The following MAGEA10 variants were observed in gnomAD, a reference collection of about 807,000 sequenced individuals.
MAGEA10 encodes melanoma-associated antigen 10.
Under a neutral mutation model 8.6 loss-of-function variants are expected in MAGEA10, and 7 were observed. The observed-to-expected ratio is 0.82, with a 90% CI of 0.46 to 1.53. MAGEA10 has a LOEUF of 1.53. Ranked by LOEUF, MAGEA10 falls within the 40% of genes most tolerant of loss-of-function variation. The probability of loss-of-function intolerance (pLI) is 0.01; values close to 1 mark genes in which losing one functional copy is unlikely to be tolerated. For synonymous variants in MAGEA10, 125 were observed against 107.4 expected, an observed-to-expected ratio of 1.16 and a Z score of -1.02; for missense variants, 293 against 274.0, an observed-to-expected ratio of 1.07 and a Z score of -0.49.
rs1569471933 is a variant in MAGEA10 at position 152,138,559 on chromosome X, T to G, written c.-323A>C. 1 of 103,049 alleles carries G rather than the reference T, an allele frequency of 9.7e-6. No individual in the cohort carries two copies. Among genetic ancestry groups the G allele is most frequent in the African/African-American group, 3.6e-5 (1 of 27,776 alleles). The allele number at this position is 103,049 out of a possible 1,213,427, so 8.5% of individuals were successfully genotyped here. On this transcript the variant is annotated 5_prime_UTR_variant, in exon 1 of 4. Transcript: ENST00000370323. Reference sequence around the variant, plus strand: ...GAACGAGAACCTCGCTTCTCTCTGATCCCCGAGGCGTAAGTTAGTGGCGTC... The same window carrying G: ...GAACGAGAACCTCGCTTCTCTCTGAGCCCCGAGGCGTAAGTTAGTGGCGTC...
chrX:152,134,463 G>A lies in MAGEA10; in HGVS notation c.*48C>T. ...AGATTCCACATATGAGTAAAATCAT[G>A]TGGTATTTGACTTGCCTTTTAAAAC... On this transcript the variant is annotated 3_prime_UTR_variant, in exon 4 of 4. Transcript: ENST00000370323. 2.5e-6 allele frequency: 2 copies of A among 815,885 alleles called. No homozygotes were observed. The highest frequency in any genetic ancestry group is 3.6e-5 in the East Asian group (1 of 28,075). 67.2% of individuals were successfully genotyped at this position (815,885 alleles called of 1,213,427 possible).
chrX:152,134,631 A>G lies in MAGEA10; in HGVS notation c.990T>C (p.Tyr330=). Residue 330 remains tyrosine (Y), a synonymous_variant, in exon 4 of 4, where the codon TAT becomes TAC. Coordinates refer to ENST00000370323, the MANE Select transcript of MAGEA10 (RefSeq NM_021048.5). ...CTTCCTCATCTTTCAAAGCCTCCTC[A>G]TACCACAGTGGGAAGGATCTTGGAT... is the stretch of plus-strand genomic sequence containing the variant. ...GSDPRSFPLW[Y]EEALKDEEER... The G allele has an allele frequency of 2.5e-6, 3 of 1,210,326 alleles. No individual in the cohort carries two copies. Among genetic ancestry groups the G allele is most frequent in the Non-Finnish European group, 2.2e-6 (2 of 894,706 alleles).
chrX:152,135,376 T>C lies in MAGEA10; in HGVS notation c.245A>G (p.Asn82Ser). Residue 82 changes from asparagine to serine, a missense_variant, in exon 4 of 4, where the codon AAT becomes AGT. Transcript: ENST00000370323. The stretch of plus-strand genomic sequence containing the variant: ...GGCTATCTGAGCACTCTGGGGAGGA[T>C]TTGGTGTCTCATCATCAGCAGAAAC... Reference protein sequence around the residue: ...EEVSADDETPNPPQSAQIACS... With the variant: ...EEVSADDETPSPPQSAQIACS... The C allele has an allele frequency of 8.3e-7, 1 of 1,202,656 alleles. No homozygotes were observed. Among genetic ancestry groups the C allele is most frequent in the South Asian group, 1.8e-5 (1 of 55,432 alleles).
At position 152,137,394 on chromosome X, in the gene MAGEA10, C is replaced by A. The variant is rs1299142037; in HGVS notation, c.-238-425G>T. 3.8e-5 allele frequency among the ~76,000 whole-genome samples: 3 copies of A among 78,724 alleles called. No homozygotes were observed. In the East Asian group the frequency reaches 1.2e-3, roughly 31 times the overall value. 68.4% of individuals were successfully genotyped at this position (78,724 alleles called of 115,157 possible). ...TCACACCTGCATGGGATTCCCAAAG[C>A]TGACAGAAGGAGCAGACATTTGGCG... On this transcript the variant is annotated intron_variant, in intron 1 of 3. Coordinates refer to ENST00000370323, the MANE Select transcript of MAGEA10 (RefSeq NM_021048.5).
chrX:152,138,117 T>C (rs925296734), intron 1 of MAGEA10, among the ~76,000 whole-genome samples: 5 of 110,632 alleles, frequency 4.5e-5, no homozygotes, highest in African/African-American at 1.6e-4. Flanking sequence ...TCCCCTTCCC[T>C]ACGTCAGCCT....
In MAGEA10 at chrX:152,135,051, A is replaced by G. The variant is rs754596795; in HGVS notation, c.570T>C (p.Asp190=). Residue 190 remains aspartate, a synonymous_variant, in exon 4 of 4, where the codon GAT becomes GAC. Transcript: ENST00000370323. Reference sequence around the variant, plus strand: ...GGCCAGTGGGATCCACTTCCTTTACATCAATGCCAAAGACCAGCAGCATGC... The same window carrying G: ...GGCCAGTGGGATCCACTTCCTTTACGTCAATGCCAAAGACCAGCAGCATGC... ...SECMLLVFGI[D]VKEVDPTGHS... 15 of 1,211,495 alleles carry G rather than the reference A, an allele frequency of 1.2e-5. 1 individual carries two copies. The highest frequency in any genetic ancestry group is 3.5e-5 in the South Asian group (2 of 56,948).
intron 1 of MAGEA10, among the ~76,000 whole-genome samples, chrX:152,138,139 G>A (rs780088905): frequency 3.6e-5 from 4 of 110,753 alleles, no homozygotes; most frequent in Admixed American, 9.5e-5. Flanking sequence ...AGATGCCGAC[G>A]TCAGAATTTG....
rs1936618370 is a variant in MAGEA10 at position 152,134,430 on chromosome X, TTTTTTTTA to T, written c.*73_*80del. Reference sequence around the variant, plus strand: ...TCCATGATACCAACTTTTTTTTTTTTTTTTTTTAGATTCCACATATGAGTAAAATCATG... The same window carrying T: ...TCCATGATACCAACTTTTTTTTTTTTGATTCCACATATGAGTAAAATCATG... On this transcript the variant is annotated 3_prime_UTR_variant, in exon 4 of 4. Transcript: ENST00000370323. 1.2e-6 allele frequency: 1 copy of T among 829,244 alleles called. No homozygotes were observed. The highest frequency in any genetic ancestry group is 2.1e-5 in the African/African-American group (1 of 48,260). The allele number at this position is 829,244 out of a possible 1,213,427, so 68.3% of individuals were successfully genotyped here. A position where few individuals can be genotyped will look rare whatever the true frequency, so the allele number is the denominator to read the frequency against.
chrX:152,138,427 C>T (rs1250471535), intron 1 of MAGEA10, 48 bp downstream of exon 1: 1 of 107,131 alleles, frequency 9.3e-6, no homozygotes, highest in Non-Finnish European at 1.9e-5. Flanking sequence ...TTATTTAGGG[C>T]TTTCTATCTG....
Position 152,134,600 on chromosome X carries a change from C to A in MAGEA10, c.1021G>T (p.Ala341Ser). ...EEALKDEEER[A>S]QDRIATTDDT... The stretch of plus-strand genomic sequence containing the variant: ...TCTGTGGTGGCAATTCTGTCCTGGG[C>A]TCTCTCTTCCTCATCTTTCAAAGCC... The change falls in exon 4 of 4, where the codon GCC becomes TCC. Residue 341 changes from alanine to serine, a missense_variant. Physicochemically the swap from Ala to Ser is moderately conservative, Grantham distance 99. Coordinates refer to ENST00000370323, the MANE Select transcript of MAGEA10 (RefSeq NM_021048.5). The A allele has an allele frequency of 8.3e-7, 1 of 1,207,959 alleles. No individual in the cohort carries two copies. The highest frequency in any genetic ancestry group is 2.3e-4 in the Middle Eastern group (1 of 4,347).
chrX:152,135,483 G>A lies in MAGEA10; in HGVS notation c.138C>T (p.Ser46=). 8.3e-7 allele frequency: 1 copy of A among 1,198,532 alleles called. No homozygotes were observed. Among genetic ancestry groups the A allele is most frequent in the Non-Finnish European group, 1.1e-6 (1 of 889,104 alleles). ...AGGAGGGAAAAGAGGATGGAAAAGA[G>A]GAGCTGGTGGAAGTGGATGATGAAG... ...EDASSSTSTS[S]SFPSSFPSSS... Residue 46 remains serine, a synonymous_variant, in exon 4 of 4, where the codon TCC becomes TCT. Transcript: ENST00000370323.
At position 152,134,450 on chromosome X, in the gene MAGEA10, T is replaced by A; in HGVS notation, c.*61A>T. 1.1e-6 allele frequency: 1 copy of A among 899,669 alleles called. No homozygotes were observed. The highest frequency in any genetic ancestry group is 1.5e-6 in the Non-Finnish European group (1 of 656,332). 74.1% of individuals were successfully genotyped at this position (899,669 alleles called of 1,213,427 possible). On this transcript the variant is annotated 3_prime_UTR_variant, in exon 4 of 4. Transcript: ENST00000370323. ...TTTTTTTTTTTTTAGATTCCACATATGAGTAAAATCATGTGGTATTTGACT... is the reference window on the plus strand; with the variant it reads ...TTTTTTTTTTTTTAGATTCCACATAAGAGTAAAATCATGTGGTATTTGACT...
intron 1 of MAGEA10, 134 bp downstream of exon 1, chrX:152,138,341 T>TGGGGGGGGGGGGGGGGGGGGGGGGGGGGG (rs11365460): frequency 7.6e-4 from 20 of 26,406 alleles, no homozygotes; most frequent in African/African-American, 1.6e-3. Flanking sequence ...GGGGCGGGGG[T>TGGGGGGGGGGGGGGGGGGGGGGGGGGGGG]GGGGGGGGGG....
chrX:152,134,860 C>G lies in MAGEA10; in HGVS notation c.761G>C (p.Gly254Ala), dbSNP rs1393887443. ...GAGGTGCTCCATCCCATCATACAGC[C>G]CCATCATATTCAGTGCTTCCCAGAT... ...EVIWEALNMM[G>A]LYDGMEHLIY... is the part of the protein sequence containing the mutation. The change falls in exon 4 of 4, where the codon GGG (glycine) becomes GCG (alanine). Residue 254 changes from glycine to alanine, a missense_variant. Gly to Ala is a moderately conservative substitution (Grantham distance 60). Transcript: ENST00000370323. The G allele has an allele frequency of 4.1e-6, 5 of 1,211,301 alleles. No homozygotes were observed. Among genetic ancestry groups the G allele is most frequent in the African/African-American group, 1.7e-5 (1 of 57,640 alleles).
chrX:152,137,423 G>T (rs1253842715), intron 1 of MAGEA10, among the ~76,000 whole-genome samples: 37 of 28,818 alleles, frequency 1.3e-3, no homozygotes, highest in Admixed American at 1.2e-3. Context: ...TTTGGCGGGG[G>T]GGGGGGGGGG....
chrX:152,135,495 A>G lies in MAGEA10; in HGVS notation c.126T>C (p.Thr42=). 8.4e-7 allele frequency: 1 copy of G among 1,197,120 alleles called. No homozygotes were observed. Among genetic ancestry groups the G allele is most frequent in the Non-Finnish European group, 1.1e-6 (1 of 888,353 alleles). Residue 42 remains threonine (T), a synonymous_variant, in exon 4 of 4, where the codon ACT becomes ACC. Coordinates refer to ENST00000370323, the MANE Select transcript of MAGEA10 (RefSeq NM_021048.5). The part of the protein sequence containing the change: ...LAVEEDASSS[T]STSSSFPSSF... ...AGGATGGAAAAGAGGAGCTGGTGGA[A>G]GTGGATGATGAAGCATCCTCCTCCA... is the stretch of plus-strand genomic sequence containing the variant.
Position 152,135,318 on chromosome X carries a change from T to C in MAGEA10, c.303A>G (p.Pro101=). The C allele has an allele frequency of 2.5e-6, 3 of 1,210,666 alleles. No homozygotes were observed. Among genetic ancestry groups the C allele is most frequent in the Non-Finnish European group, 3.4e-6 (3 of 895,163 alleles). ...TGGAGCCCTCATCAGATTGATCTAA[T>C]GGAAGGGAAGCAACGACCGAGGGGG... The part of the protein sequence containing the change: ...CSSPSVVASL[P]LDQSDEGSSS... The change falls in exon 4 of 4, where the codon CCA becomes CCG. Residue 101 remains proline, a synonymous_variant. Coordinates refer to ENST00000370323, the MANE Select transcript of MAGEA10 (RefSeq NM_021048.5).
intron 1 of MAGEA10, among the ~76,000 whole-genome samples, chrX:152,137,335 C>T (rs184858914): frequency 0.024 from 2,449 of 102,703 alleles, 74 homozygotes; most frequent in African/African-American, 0.082. Flanking sequence ...TCCCTGAGAC[C>T]CGGCAGGCAG....
At chrX:152,138,341 T>TGGGGGGGGGGGGAGGGGGGGGGGGG (rs11365460) in intron 1 of MAGEA10, 134 bp downstream of exon 1, 1 of 26,419 alleles carries the variant, frequency 3.8e-5, no homozygotes, top group African/African-American at 1.2e-4. Flanking sequence ...GGGGCGGGGG[T>TGGGGGGGGGGGGAGGGGGGGGGGGG]GGGGGGGGGG....
Sources: gnomAD v4.1 joint callset for allele counts (sites outside exome capture counted in the v4.1 genomes callset) on GRCh38, gnomAD v4.1.1 for gene constraint, MANE v1.5 for transcripts, NCBI Gene and HGNC (gene_info 2026-07-23, HGNC 2026-07-21) for gene names.